MAGI3: variants seen among roughly 807,000 people sequenced by gnomAD.
MAGI3 encodes the protein membrane associated guanylate kinase, WW and PDZ domain containing 3.
MAGI3 carries 43 observed loss-of-function variants against 121.8 expected under a neutral mutation model. The ratio of observed to expected loss-of-function variants is 0.35; its 90% CI spans 0.28 to 0.46. The LOEUF is 0.46. Ranked by LOEUF, MAGI3 falls within the 20% of genes least tolerant of loss-of-function variation. MAGI3 has a pLI of 1.00. For synonymous variants in MAGI3, 553 were observed against 639.3 expected (o/e 0.86, Z 2.04); for missense variants, 1,547 against 1,797.3 (o/e 0.86, Z 2.52).
chr1:113,665,595 T>C (rs1654001252), intron 16 of MAGI3, among the ~76,000 whole-genome samples: 1 of 152,162 alleles, frequency 6.6e-6, no homozygotes. Flanking sequence ...TATATGTGTG[T>C]ATGTATATAT....
At chr1:113,400,522 G>C (rs1269525903) in intron 1 of MAGI3, among the ~76,000 whole-genome samples, 1 of 152,046 alleles carries the variant, frequency 6.6e-6, no homozygotes, top group Non-Finnish European at 1.5e-5. Context: ...AGATTAGTTT[G>C]GGCACCCTTC....
Position 113,622,808 on chromosome 1 carries a change from A to G in MAGI3, c.1174A>G (p.Met392Val), listed in dbSNP as rs771513136. The G allele has an allele frequency of 7.6e-6, 12 of 1,571,074 alleles. No homozygotes were observed. The highest frequency in any genetic ancestry group is 6.9e-6 in the Non-Finnish European group (8 of 1,166,248). The stretch of plus-strand genomic sequence containing the variant: ...ACCCACTTCTCATTTTGGCACAGAT[A>G]TGGAAAAATCACACTTCACAAGAGA... ...QVEIGSSKPD[M>V]EKSHFTRDPS... Residue 392 changes from methionine (M) to valine (V), a missense_variant and splice_region_variant, in exon 9 of 21, where the codon ATG becomes GTG. Transcript: ENST00000307546.
intron 1 of MAGI3, among the ~76,000 whole-genome samples, chr1:113,544,235 T>G (rs1659427232): frequency 6.6e-6 from 1 of 152,186 alleles, no homozygotes. Flanking sequence ...CTGCTATAGA[T>G]CTCATGAGGT....
chr1:113,633,148 G>A (rs1230675), intron 9 of MAGI3, among the ~76,000 whole-genome samples: 54,914 of 141,426 alleles, frequency 0.39, 12,050 homozygotes, highest in African/African-American at 0.6. Context: ...GTGAGAATAT[G>A]CAGTGTTTGG....
At chr1:113,447,812 G>A (rs1197171965) in intron 1 of MAGI3, among the ~76,000 whole-genome samples, 4 of 151,724 alleles carry the variant, frequency 2.6e-5, no homozygotes, top group African/African-American at 7.3e-5. Flanking sequence ...CCGAGATCAC[G>A]CCACTGCACT....
At chr1:113,467,824 C>T (rs946752292) in intron 1 of MAGI3, among the ~76,000 whole-genome samples, 2 of 152,150 alleles carry the variant, frequency 1.3e-5, no homozygotes, top group East Asian at 1.9e-4. Context: ...CATAAGCCAT[C>T]ACACCTGGCT....
chr1:113,666,271 T>C (rs1044511609), intron 16 of MAGI3, among the ~76,000 whole-genome samples: 2 of 152,256 alleles, frequency 1.3e-5, no homozygotes, highest in African/African-American at 2.4e-5. Flanking sequence ...CATGTGATGC[T>C]GTTTGATAGC....
At chr1:113,577,560 A>G (rs1428367912) in intron 2 of MAGI3, among the ~76,000 whole-genome samples, 1 of 148,396 alleles carries the variant, frequency 6.7e-6, no homozygotes, top group Non-Finnish European at 1.5e-5. Context: ...GCGAAAAGTA[A>G]TGGGGTGAAG....
Position 113,658,664 on chromosome 1 carries a change from T to A in MAGI3, c.2630-416T>A, listed in dbSNP as rs183806817. ...AGTGTCCCTTTAACAGAAGCAAAGATAATCTTATCGTAGCAGTTTTTAAAA... is the reference window on the plus strand; with the variant it reads ...AGTGTCCCTTTAACAGAAGCAAAGAAAATCTTATCGTAGCAGTTTTTAAAA... On this transcript the variant is annotated intron_variant, in intron 15 of 20. Coordinates refer to ENST00000307546, the MANE Select transcript of MAGI3 (RefSeq NM_001142782.2). The surrounding 1 kb of genome is among the most constrained non-coding windows in gnomAD (Gnocchi z 4.0). Among the ~76,000 whole-genome samples, 61 of 152,368 alleles carry A rather than the reference T, an allele frequency of 4.0e-4. 1 individual carries two copies. The East Asian group carries it at 0.011, about 27-fold the overall frequency.
chr1:113,494,088 A>C (rs1656796924), intron 1 of MAGI3, among the ~76,000 whole-genome samples: 1 of 152,214 alleles, frequency 6.6e-6, no homozygotes, highest in South Asian at 2.1e-4. Context: ...TCATTGCAGC[A>C]CTATTCACAA....
intron 1 of MAGI3, among the ~76,000 whole-genome samples, chr1:113,433,329 AT>A (rs1653400765): frequency 6.6e-6 from 1 of 152,016 alleles, no homozygotes; most frequent in Non-Finnish European, 1.5e-5. Context: ...CTGATTTTTT[AT>A]TTCTAGGAGA....
At chr1:113,423,147 C>T (rs571757696) in intron 1 of MAGI3, among the ~76,000 whole-genome samples, 2 of 151,184 alleles carry the variant, frequency 1.3e-5, no homozygotes, top group African/African-American at 4.9e-5. Flanking sequence ...ATGAGCAAGG[C>T]AGAGAAGAAC....
intron 6 of MAGI3, among the ~76,000 whole-genome samples, chr1:113,606,410 A>G (rs1482986333): frequency 6.6e-6 from 1 of 152,138 alleles, no homozygotes; most frequent in Non-Finnish European, 1.5e-5. Context: ...TTTATTGTGA[A>G]CATGGTATTT....
In MAGI3 at chr1:113,673,362, G is replaced by A. The variant is rs367702082; in HGVS notation, c.3086G>A (p.Arg1029Gln). Reference sequence around the variant, plus strand: ...CCAGTAGAGCTGGAGAGAGGCCCCCGGGGCTTTGGATTCAGCCTCCGAGGG... The same window carrying A: ...CCAGTAGAGCTGGAGAGAGGCCCCCAGGGCTTTGGATTCAGCCTCCGAGGG... The part of the protein sequence containing the change: ...CYPVELERGP[R>Q]GFGFSLRGGK... Residue 1029 changes from arginine to glutamine, a missense_variant, in exon 19 of 21, where the codon CGG becomes CAG. By Grantham distance (43) the Arg-to-Gln change is conservative. Transcript: ENST00000307546. 62 of 1,611,408 alleles carry A rather than the reference G, an allele frequency of 3.8e-5. No homozygotes were observed. The highest frequency in any genetic ancestry group is 1.2e-4 in the Admixed American group (7 of 59,374).
At chr1:113,475,494 G>T (rs1416753107) in intron 1 of MAGI3, among the ~76,000 whole-genome samples, 1 of 152,180 alleles carries the variant, frequency 6.6e-6, no homozygotes, top group Non-Finnish European at 1.5e-5. Context: ...AGATAATCAT[G>T]TGGTTTTGTC....
intron 1 of MAGI3, among the ~76,000 whole-genome samples, chr1:113,481,385 A>G (rs1656104241): frequency 6.6e-6 from 1 of 152,248 alleles, no homozygotes; most frequent in Non-Finnish European, 1.5e-5. Flanking sequence ...AATAATGAAC[A>G]CTATACATTG....
chr1:113,531,985 T>A (rs917548625), intron 1 of MAGI3, among the ~76,000 whole-genome samples: 4 of 152,206 alleles, frequency 2.6e-5, no homozygotes, highest in Admixed American at 1.3e-4. Context: ...AGTTCTTAAG[T>A]CTCTGAATCA....
At chr1:113,529,513 G>A (rs1188522588) in intron 1 of MAGI3, among the ~76,000 whole-genome samples, 1 of 152,096 alleles carries the variant, frequency 6.6e-6, no homozygotes, top group Non-Finnish European at 1.5e-5. Context: ...CCTATCAAAG[G>A]CCCCACCTCC....
chr1:113,542,322 C>T (rs142950012), intron 1 of MAGI3, among the ~76,000 whole-genome samples: 5 of 129,986 alleles, frequency 3.8e-5, no homozygotes, highest in Non-Finnish European at 6.8e-5. Context: ...ACATCCCAGG[C>T]GGGATGGAAC....
Sources: gnomAD v4.1 joint callset for allele counts (sites outside exome capture counted in the v4.1 genomes callset) on GRCh38, gnomAD v4.1.1 for gene constraint, Gnocchi (gnomAD v3.1) non-coding constraint, MANE v1.5 for transcripts, NCBI Gene and HGNC (gene_info 2026-07-23, HGNC 2026-07-21) for gene names.